Variants in ADAMTSL3 observed in about 807,000 individuals in gnomAD.
ADAMTSL3 encodes the protein ADAMTS like 3.
Under a neutral mutation model 201.7 loss-of-function variants are expected in ADAMTSL3, and 128 were observed. The observed-to-expected ratio is 0.63, with a 90% CI of 0.55 to 0.73. ADAMTSL3 has a LOEUF of 0.73. Ranked by LOEUF, ADAMTSL3 falls within the 30% of genes least tolerant of loss-of-function variation. The probability of loss-of-function intolerance (pLI) is 0.00; values close to 1 mark genes in which losing one functional copy is unlikely to be tolerated. For missense variants in ADAMTSL3, 1,990 were observed against 2,119.6 expected (o/e 0.94, Z 1.20); for synonymous variants, 738 against 748.4 (o/e 0.99, Z 0.23).
chr15:83,712,871 C>T (rs943653808), intron 3 of ADAMTSL3, among the ~76,000 whole-genome samples: 2 of 152,208 alleles, frequency 1.3e-5, no homozygotes, highest in Non-Finnish European at 2.9e-5. Flanking sequence ...CCATATCATT[C>T]TTCAAACTAC....
At chr15:83,710,783 A>G (rs1433691439) in intron 3 of ADAMTSL3, among the ~76,000 whole-genome samples, 1 of 152,190 alleles carries the variant, frequency 6.6e-6, no homozygotes, top group African/African-American at 2.4e-5. Flanking sequence ...CCTTGGTAGC[A>G]TCTGGAATTG....
intron 4 of ADAMTSL3, among the ~76,000 whole-genome samples, chr15:83,804,301 T>C (rs1849600140): frequency 6.6e-6 from 1 of 152,192 alleles, no homozygotes; most frequent in South Asian, 2.1e-4. Flanking sequence ...ACATGTAGCA[T>C]TTCCCTTTTC....
Position 83,654,637 on chromosome 15 carries a change from G to A in ADAMTSL3, c.-34+361G>A, listed in dbSNP as rs1186192312. Reference sequence around the variant, plus strand: ...CCGAAGGTCCGGCCGGTTGACCACTGGGTAGCGAGCGCCCAGAACGCCGGG... The same window carrying A: ...CCGAAGGTCCGGCCGGTTGACCACTAGGTAGCGAGCGCCCAGAACGCCGGG... On this transcript the variant is annotated intron_variant, in intron 1 of 29. Transcript: ENST00000286744. This position sits in a 1 kb window ranked among gnomAD's most constrained non-coding sequence, Gnocchi z 5.3. 6.6e-6 allele frequency among the ~76,000 whole-genome samples: 1 copy of A among 152,140 alleles called. No homozygotes were observed. Among genetic ancestry groups the A allele is most frequent in the Non-Finnish European group, 1.5e-5 (1 of 68,028 alleles).
intron 17 of ADAMTSL3, among the ~76,000 whole-genome samples, chr15:83,927,923 G>T (rs1278938237): frequency 1.3e-5 from 2 of 151,498 alleles, no homozygotes; most frequent in Non-Finnish European, 2.9e-5. Context: ...AAAAAAAATG[G>T]TTTCGAATTT....
Position 83,773,599 on chromosome 15 carries a change from G to A in ADAMTSL3, c.266G>A (p.Arg89Gln). ...TGGGGCGACTGGAGTGACTGCTCCC[G>A]GACCTGTGGGGGAGGAGCATCATAT... ...DAWGDWSDCS[R>Q]TCGGGASYSL... The change falls in exon 4 of 30, where the codon CGG becomes CAG. Residue 89 changes from arginine to glutamine, a missense_variant. Physicochemically the swap from Arg to Gln is conservative, Grantham distance 43. Transcript: ENST00000286744. 1.2e-6 allele frequency: 2 copies of A among 1,613,232 alleles called. No individual in the cohort carries two copies. The highest frequency in any genetic ancestry group is 1.7e-6 in the Non-Finnish European group (2 of 1,179,790).
rs192036339 is a variant in ADAMTSL3 at position 83,994,962 on chromosome 15, G to A, written c.3973+3748G>A. Among the ~76,000 whole-genome samples the A allele has an allele frequency of 2.0e-5, 3 of 152,096 alleles. No individual in the cohort carries two copies. The East Asian group carries it at 5.8e-4, about 29-fold the overall frequency. ...AGTTGTCAACATATGTGGAAGGGAG[G>A]AAGCAAGCAGGATTAGACAGAGGGC... is the stretch of plus-strand genomic sequence containing the variant. On this transcript the variant is annotated intron_variant, in intron 23 of 29. Coordinates refer to ENST00000286744, the MANE Select transcript of ADAMTSL3 (RefSeq NM_207517.3).
At chr15:83,960,525 A>G (rs1567265575) in intron 19 of ADAMTSL3, among the ~76,000 whole-genome samples, 1 of 152,120 alleles carries the variant, frequency 6.6e-6, no homozygotes, top group Non-Finnish European at 1.5e-5. Context: ...AAAACTGAGG[A>G]TGTCCCTTGC....
rs138764385 is a variant in ADAMTSL3, at chr15:83,838,127, G to A, written c.639G>A (p.Lys213=). The A allele has an allele frequency of 7.1e-4, 1,140 of 1,612,708 alleles. 6 individuals are homozygous for A. The African/African-American group carries it at 0.013, about 19-fold the overall frequency. ...GCDRQLGSNA[K]EDNCGVCAGD... ...ATCGGCAACTGGGAAGCAATGCCAA[G>A]GAGGACAACTGTGGAGTCTGTGCCG... Residue 213 remains lysine (K), a synonymous_variant, in exon 7 of 30, where the codon AAG becomes AAA. Transcript: ENST00000286744.
intron 20 of ADAMTSL3, among the ~76,000 whole-genome samples, chr15:83,981,179 T>G (rs1479937626): frequency 1.3e-5 from 2 of 152,202 alleles, no homozygotes; most frequent in African/African-American, 2.4e-5. Context: ...ATCACTGTCC[T>G]TCTCCCATGC....
chr15:83,988,431 G>A (rs1019865643), intron 21 of ADAMTSL3, among the ~76,000 whole-genome samples: 1 of 152,224 alleles, frequency 6.6e-6, no homozygotes, highest in African/African-American at 2.4e-5. Context: ...CTTTTCTCAT[G>A]TAAAGTGGGA....
chr15:83,871,916 G>C (rs2065088003), intron 9 of ADAMTSL3, among the ~76,000 whole-genome samples: 1 of 152,108 alleles, frequency 6.6e-6, no homozygotes, highest in Admixed American at 6.6e-5. Flanking sequence ...AAACCCTTTA[G>C]CTTTAAAAAG....
chr15:84,038,593 T>G lies in ADAMTSL3; in HGVS notation c.*787T>G, dbSNP rs2068550507. The G allele has an allele frequency of 6.6e-6, 1 of 152,640 alleles. No homozygotes were observed. The highest frequency in any genetic ancestry group is 2.1e-4 in the South Asian group (1 of 4,836). The allele number at this position is 152,640 out of a possible 1,614,324, so 9.5% of individuals were successfully genotyped here. On this transcript the variant is annotated 3_prime_UTR_variant, in exon 30 of 30. Transcript: ENST00000286744. ...GAATGAAACTTTTTCTAAGCACTAT[T>G]CTATTGCACACAAACAGAAAACCAA...
chr15:84,016,183 G>A (rs891843473), intron 24 of ADAMTSL3, among the ~76,000 whole-genome samples, 200 bp from the exon 25 acceptor site: 3 of 152,148 alleles, frequency 2.0e-5, no homozygotes, highest in Non-Finnish European at 4.4e-5. Context: ...AGCACAGTGA[G>A]TAACTCTAAA....
At chr15:83,655,182 C>A (rs1309742169) in intron 1 of ADAMTSL3, among the ~76,000 whole-genome samples, 1 of 152,208 alleles carries the variant, frequency 6.6e-6, no homozygotes, top group African/African-American at 2.4e-5. Flanking sequence ...CTGAACTTAG[C>A]TCTCAGGCGT....
intron 20 of ADAMTSL3, among the ~76,000 whole-genome samples, chr15:83,975,095 G>C (rs1034178170): frequency 6.8e-6 from 1 of 147,412 alleles, no homozygotes; most frequent in African/African-American, 2.5e-5. Flanking sequence ...TCTGCCTCCC[G>C]GGTTCACGCC....
At chr15:83,694,524 C>G (rs2061654262) in intron 2 of ADAMTSL3, among the ~76,000 whole-genome samples, 1 of 152,108 alleles carries the variant, frequency 6.6e-6, no homozygotes, top group African/African-American at 2.4e-5. Flanking sequence ...CTAATTGAGG[C>G]TGTTTCCAAT....
chr15:83,750,676 C>T (rs1421690827), intron 3 of ADAMTSL3, among the ~76,000 whole-genome samples: 8 of 152,028 alleles, frequency 5.3e-5, no homozygotes, highest in South Asian at 2.1e-4. Context: ...CTCAGCCTCC[C>T]GAATAGCTGG....
chr15:83,760,274 T>A (rs1177580414), intron 3 of ADAMTSL3, among the ~76,000 whole-genome samples: 2 of 152,170 alleles, frequency 1.3e-5, no homozygotes, highest in Admixed American at 6.5e-5. Flanking sequence ...ATTTTCTAAT[T>A]TTCATTGTGA....
At chr15:83,911,397 G>A (rs1227994021) in intron 15 of ADAMTSL3, among the ~76,000 whole-genome samples, 1 of 152,198 alleles carries the variant, frequency 6.6e-6, no homozygotes, top group Non-Finnish European at 1.5e-5. Context: ...AGAGAAGACT[G>A]TTATCAGTTC....
Sources: allele counts gnomAD v4.1 joint callset (sites outside exome capture counted in the v4.1 genomes callset), GRCh38; gene constraint gnomAD v4.1.1; non-coding constraint Gnocchi (gnomAD v3.1); transcripts MANE v1.5; gene names NCBI Gene and HGNC (gene_info 2026-07-23, HGNC 2026-07-21).